Variants in HOMER1 observed in about 807,000 individuals in gnomAD.
HOMER1 encodes homer protein homolog 1.
A neutral mutation model predicts 48.9 loss-of-function variants in HOMER1; 3 were observed. The ratio of observed to expected loss-of-function variants is 0.06; its 90% confidence interval spans 0.03 to 0.16. The LOEUF (loss-of-function observed/expected upper bound fraction) is 0.16. Ranked by LOEUF, HOMER1 falls within the 10% of genes least tolerant of loss-of-function variation. HOMER1 has a pLI of 1.00. For missense variants in HOMER1, 247 were observed against 411.4 expected (o/e 0.60, Z 3.46); for synonymous variants, 134 against 146.4 (o/e 0.92, Z 0.61).
In HOMER1 at chr5:79,376,183, C is replaced by T. The variant is rs1748767878; in HGVS notation, c.891G>A (p.Arg297=). Residue 297 remains arginine (R), a synonymous_variant, in exon 9 of 9, where the codon CGG becomes CGA. Transcript: ENST00000334082. ...LTQKLQEVEI[R]NKDLEGQLSD... is the part of the protein sequence containing the mutation. Reference sequence around the variant, plus strand: ...ACAGTTGTCCCTCCAGGTCTTTGTTCCGAATTTCTACTTCCTTCAGAAACA... The same window carrying T: ...ACAGTTGTCCCTCCAGGTCTTTGTTTCGAATTTCTACTTCCTTCAGAAACA... 3.1e-6 allele frequency: 5 copies of T among 1,610,492 alleles called. No individual in the cohort carries two copies. The highest frequency in any genetic ancestry group is 4.2e-6 in the Non-Finnish European group (5 of 1,178,694).
chr5:79,511,820 G>C (rs1752953218), intron 1 of HOMER1, among the ~76,000 whole-genome samples: 1 of 152,194 alleles, frequency 6.6e-6, no homozygotes, highest in South Asian at 2.1e-4. Flanking sequence ...ACGATGAATT[G>C]CAGAGTCCAT....
chr5:79,421,538 A>G (rs769523921), intron 5 of HOMER1, among the ~76,000 whole-genome samples: 5 of 152,174 alleles, frequency 3.3e-5, no homozygotes, highest in African/African-American at 4.8e-5. Flanking sequence ...TTGCTTTGTA[A>G]ATATAAACTA....
rs189930087 is a variant in HOMER1, at chr5:79,500,158, C to T, written c.5+12612G>A. On this transcript the variant is annotated intron_variant, in intron 1 of 8. Transcript: ENST00000334082. Reference sequence around the variant, plus strand: ...ATCTCTGTAGCTATACCAGCAGGTGCAAAAACCTTGCACTTTTTGCAAAAT... The same window carrying T: ...ATCTCTGTAGCTATACCAGCAGGTGTAAAAACCTTGCACTTTTTGCAAAAT... Among the ~76,000 whole-genome samples, 623 of 152,142 alleles carry T rather than the reference C, an allele frequency of 4.1e-3. 4 individuals carry two copies. The highest frequency in any genetic ancestry group is 6.5e-3 in the Non-Finnish European group (441 of 68,000).
In HOMER1 at chr5:79,456,853, G is replaced by A. The variant is rs569985511; in HGVS notation, c.162+9C>T. 6.3e-5 allele frequency: 101 copies of A among 1,607,362 alleles called. No homozygotes were observed. The South Asian group carries it at 9.2e-4, about 15-fold the overall frequency. On this transcript the variant is annotated intron_variant, in intron 2 of 8. Coordinates refer to ENST00000334082, the MANE Select transcript of HOMER1 (RefSeq NM_004272.5). Reference sequence around the variant, plus strand: ...ACCAGCCAAATCATTCAAAGTAAACGTAGCTTACCTTTGAGCCATCTAAAC... The same window carrying A: ...ACCAGCCAAATCATTCAAAGTAAACATAGCTTACCTTTGAGCCATCTAAAC...
intron 1 of HOMER1, among the ~76,000 whole-genome samples, chr5:79,505,146 C>T (rs1752712631): frequency 6.6e-6 from 1 of 152,144 alleles, no homozygotes; most frequent in African/African-American, 2.4e-5. Context: ...GTAGTCCCAA[C>T]TACTCCGGAG....
chr5:79,446,979 AT>A (rs1750903769), intron 4 of HOMER1, 73 bp downstream of exon 4: 16 of 955,076 alleles, frequency 1.7e-5, no homozygotes, highest in Non-Finnish European at 1.9e-5. Flanking sequence ...TACTTTGGAG[AT>A]TTAATTCTGG....
chr5:79,456,759 G>A, intron 2 of HOMER1, 103 bp downstream of exon 2: 1 of 1,026,492 alleles, frequency 9.7e-7, no homozygotes, highest in Non-Finnish European at 1.4e-6. Context: ...AACTCAAAAG[G>A]AAACATTTTA....
intron 3 of HOMER1, among the ~76,000 whole-genome samples, chr5:79,448,297 T>A (rs1373581820): frequency 6.6e-6 from 1 of 152,218 alleles, no homozygotes; most frequent in Non-Finnish European, 1.5e-5. Context: ...CTTCTCTTTA[T>A]GTAATCTGAA....
intron 2 of HOMER1, among the ~76,000 whole-genome samples, chr5:79,451,717 T>C (rs1751034022): frequency 1.3e-5 from 2 of 151,846 alleles, no homozygotes; most frequent in East Asian, 1.9e-4. Context: ...AGGCGCCCAC[T>C]ACCACGCCCT....
chr5:79,373,940 T>G lies in HOMER1; in HGVS notation c.*2069A>C, dbSNP rs538817145. The G allele has an allele frequency of 6.6e-6, 1 of 152,088 alleles. No homozygotes were observed. The highest frequency in any genetic ancestry group is 2.4e-5 in the African/African-American group (1 of 41,546). 9.4% of individuals were successfully genotyped at this position (152,088 alleles called of 1,614,324 possible). A position where few individuals can be genotyped will look rare whatever the true frequency, so the allele number is the denominator to read the frequency against. ...TTCAAATGGAGACATTTTGGTGAGT[T>G]TTTTCATTAAATGATCACTATGTCA... On this transcript the variant is annotated 3_prime_UTR_variant, in exon 9 of 9. Coordinates refer to ENST00000334082, the MANE Select transcript of HOMER1 (RefSeq NM_004272.5).
intron 8 of HOMER1, 86 bp from the exon 9 acceptor site, chr5:79,376,283 T>C (rs1748771099): frequency 4.2e-6 from 4 of 954,330 alleles, no homozygotes; most frequent in Admixed American, 2.3e-5. Context: ...AATATTGCGG[T>C]AATCAATGCA....
In HOMER1 at chr5:79,512,946, G is replaced by A. The variant is rs1019886795; in HGVS notation, c.-172C>T. On this transcript the variant is annotated 5_prime_UTR_variant, in exon 1 of 9. Coordinates refer to ENST00000334082, the MANE Select transcript of HOMER1 (RefSeq NM_004272.5). ...TTCAATTAGTTCTCTTAGGTAAAAT[G>A]ATTTCTCTCTTGTAAATACCAAAAC... The A allele has an allele frequency of 1.6e-6, 1 of 626,782 alleles. No homozygotes were observed. 38.8% of individuals were successfully genotyped at this position (626,782 alleles called of 1,614,324 possible).
At chr5:79,406,494 C>T (rs996599691) in intron 5 of HOMER1, among the ~76,000 whole-genome samples, 1 of 152,146 alleles carries the variant, frequency 6.6e-6, no homozygotes, top group South Asian at 2.1e-4. Flanking sequence ...AGACTTCTAT[C>T]AGGTTCTCAG....
intron 5 of HOMER1, among the ~76,000 whole-genome samples, chr5:79,419,602 C>A (rs1204261431): frequency 6.6e-6 from 1 of 151,714 alleles, no homozygotes; most frequent in Admixed American, 6.6e-5. Flanking sequence ...AGGAGACATT[C>A]TATATAGATC....
chr5:79,490,598 A>G (rs1338327499), intron 1 of HOMER1, among the ~76,000 whole-genome samples: 5 of 152,140 alleles, frequency 3.3e-5, no homozygotes, highest in Non-Finnish European at 7.3e-5. Context: ...CCCTAAAATC[A>G]GCATAATATT....
intron 1 of HOMER1, among the ~76,000 whole-genome samples, chr5:79,489,972 A>G (rs1320724226): frequency 6.6e-6 from 1 of 152,206 alleles, no homozygotes; most frequent in African/African-American, 2.4e-5. Context: ...TCTAGCAGAA[A>G]CTGGCTAGGT....
Position 79,447,109 on chromosome 5 carries a change from G to A in HOMER1, c.331C>T (p.Arg111Ter), listed in dbSNP as rs1251750932. The A allele has an allele frequency of 6.2e-7, 1 of 1,612,818 alleles. No individual in the cohort carries two copies. The highest frequency in any genetic ancestry group is 8.5e-7 in the Non-Finnish European group (1 of 1,179,244). Residue 111 changes from arginine (R) to a stop codon, truncating the protein, a stop_gained, in exon 4 of 9, where the codon CGA becomes TGA. Transcript: ENST00000334082. LOFTEE classifies it high-confidence loss of function. ...TCTTGTGATTTTTCCTTTGCTAGTC[G>A]AGCAGCTTCTTTAAATTCCTGAAAC... is the stretch of plus-strand genomic sequence containing the variant. ...EKFQEFKEAA[R>*]LAKEKSQEKM...
chr5:79,413,526 A>T (rs1749862929), intron 5 of HOMER1, among the ~76,000 whole-genome samples: 1 of 152,056 alleles, frequency 6.6e-6, no homozygotes. Flanking sequence ...CTTTTAGTGT[A>T]TTCATCACCC....
At chr5:79,407,327 A>G (rs1461005413) in intron 5 of HOMER1, among the ~76,000 whole-genome samples, 2 of 152,210 alleles carry the variant, frequency 1.3e-5, no homozygotes, top group Non-Finnish European at 2.9e-5. Flanking sequence ...AAGAAAAAAA[A>G]AACACTCCTC....
Sources: gnomAD v4.1 joint callset for allele counts (sites outside exome capture counted in the v4.1 genomes callset) on GRCh38, gnomAD v4.1.1 for gene constraint, MANE v1.5 for transcripts, NCBI Gene and HGNC (gene_info 2026-07-23, HGNC 2026-07-21) for gene names.